Variants in POLR3B observed in about 807,000 individuals in gnomAD.
POLR3B encodes RNA polymerase III subunit B.
A neutral mutation model predicts 147.4 loss-of-function variants in POLR3B; 96 were observed. The observed-to-expected ratio is 0.65, with a 90% confidence interval of 0.55 to 0.77. The LOEUF is 0.77. POLR3B is among the 30% of genes least tolerant of loss of function. POLR3B has a pLI of 0.00. For synonymous variants in POLR3B, 461 were observed against 485.9 expected, an observed-to-expected ratio of 0.95 and a Z score of 0.67; for missense variants, 1,036 against 1,413.5, an observed-to-expected ratio of 0.73 and a Z score of 4.28.
chr12:106,363,865 C>T lies in POLR3B; in HGVS notation c.73-5C>T, dbSNP rs1306798593. On this transcript the variant is annotated splice_polypyrimidine_tract_variant and splice_region_variant and intron_variant, in intron 1 of 27. Transcript: ENST00000228347. ...TTCTGATATTCTTCTTGTTTTGGCTCACAGGAAAAATGGAGGCTGCTTCCA... is the reference window on the plus strand; with the variant it reads ...TTCTGATATTCTTCTTGTTTTGGCTTACAGGAAAAATGGAGGCTGCTTCCA... 4 of 1,605,636 alleles carry T rather than the reference C, an allele frequency of 2.5e-6. No individual in the cohort carries two copies. Among genetic ancestry groups the T allele is most frequent in the South Asian group, 1.1e-5 (1 of 90,568 alleles).
chr12:106,360,608 A>G (rs2036456716), intron 1 of POLR3B, among the ~76,000 whole-genome samples: 1 of 152,192 alleles, frequency 6.6e-6, no homozygotes, highest in African/African-American at 2.4e-5. Flanking sequence ...TCTAGTTAGG[A>G]GCTCAGTTTT....
At chr12:106,387,138 A>G (rs996683351) in intron 9 of POLR3B, among the ~76,000 whole-genome samples, 9 of 152,234 alleles carry the variant, frequency 5.9e-5, no homozygotes, top group African/African-American at 2.2e-4. Flanking sequence ...ACTTAAAAGT[A>G]TATCTACATT....
At chr12:106,407,616 G>T (rs1217597716) in intron 11 of POLR3B, among the ~76,000 whole-genome samples, 7 of 152,016 alleles carry the variant, frequency 4.6e-5, no homozygotes, top group Non-Finnish European at 8.8e-5. Context: ...GATCACCTGA[G>T]GTCAGGAGTT....
chr12:106,409,673 GT>G (rs60188511), intron 11 of POLR3B, among the ~76,000 whole-genome samples: 35,662 of 139,834 alleles, frequency 0.26, 4,476 homozygotes, highest in African/African-American at 0.31. Flanking sequence ...ATGCTTGCTT[GT>G]TTTTTTTTTT....
chr12:106,480,091 G>A (rs1007550666), intron 23 of POLR3B, among the ~76,000 whole-genome samples: 3 of 151,690 alleles, frequency 2.0e-5, no homozygotes, highest in Non-Finnish European at 2.9e-5. Context: ...AGGATCAAGT[G>A]ATCCACCTGC....
At chr12:106,398,454 A>G (rs2037013588) in intron 10 of POLR3B, among the ~76,000 whole-genome samples, 1 of 152,214 alleles carries the variant, frequency 6.6e-6, no homozygotes, top group African/African-American at 2.4e-5. Context: ...GCAGACTTAA[A>G]TGTCCCTCTC....
chr12:106,485,421 G>A (rs2038323896), intron 23 of POLR3B, among the ~76,000 whole-genome samples: 1 of 152,138 alleles, frequency 6.6e-6, no homozygotes, highest in African/African-American at 2.4e-5. Flanking sequence ...ACAACTTCTA[G>A]AGCTCACTGT....
chr12:106,446,427 A>AG, intron 19 of POLR3B: 1 of 344,876 alleles, frequency 2.9e-6, no homozygotes, highest in Middle Eastern at 1.1e-3. Flanking sequence ...CAAAAAAAAA[A>AG]AAAAAAAAGA....
intron 12 of POLR3B, among the ~76,000 whole-genome samples, chr12:106,420,441 G>A (rs1227784352): frequency 6.6e-6 from 1 of 152,158 alleles, no homozygotes; most frequent in African/African-American, 2.4e-5. Flanking sequence ...CAGCTTCCCA[G>A]TGTGGCTTGG....
chr12:106,407,146 C>T (rs928832774), intron 11 of POLR3B, among the ~76,000 whole-genome samples: 1 of 152,162 alleles, frequency 6.6e-6, no homozygotes, highest in African/African-American at 2.4e-5. Context: ...AGCTGGGTCT[C>T]AACTGAATTT....
rs575011517 is a variant in POLR3B, at chr12:106,436,513, C to G, written c.1782-544C>G. 2.0e-5 allele frequency among the ~76,000 whole-genome samples: 3 copies of G among 152,252 alleles called. No individual in the cohort carries two copies. In the East Asian group the frequency reaches 5.8e-4, roughly 29 times the overall value. The stretch of plus-strand genomic sequence containing the variant: ...CTTTAAGTATCTTGCTAACCTAGCT[C>G]AGTGATGTTTAGACTAAATCAAACT... On this transcript the variant is annotated intron_variant, in intron 16 of 27. Coordinates refer to ENST00000228347, the MANE Select transcript of POLR3B (RefSeq NM_018082.6).
At chr12:106,435,359 G>T (rs920217455) in intron 16 of POLR3B, among the ~76,000 whole-genome samples, 1 of 151,698 alleles carries the variant, frequency 6.6e-6, no homozygotes, top group Non-Finnish European at 1.5e-5. Context: ...TGGCCAGGCT[G>T]GTCTCGAACT....
intron 11 of POLR3B, among the ~76,000 whole-genome samples, chr12:106,407,184 C>T (rs930502299): frequency 2.0e-5 from 3 of 152,142 alleles, no homozygotes; most frequent in Admixed American, 6.6e-5. Context: ...TTGGAAGAGT[C>T]TGAAACTTAA....
At chr12:106,477,465 C>A (rs1161017241) in intron 23 of POLR3B, among the ~76,000 whole-genome samples, 1 of 142,238 alleles carries the variant, frequency 7.0e-6, no homozygotes, top group Non-Finnish European at 1.5e-5. Flanking sequence ...CCCCCAGCCT[C>A]GCTGCCGCCT....
intron 23 of POLR3B, among the ~76,000 whole-genome samples, chr12:106,490,110 C>T (rs775877615): frequency 2.4e-4 from 37 of 152,220 alleles, no homozygotes; most frequent in Admixed American, 7.9e-4. Context: ...TTCAGTAGCT[C>T]GCCAGTAACC....
Position 106,437,701 on chromosome 12 carries a change from A to G in POLR3B, c.1877A>G (p.His626Arg). The stretch of plus-strand genomic sequence containing the variant: ...CCCAGGAATTTTGAAGATTTCTTAC[A>G]TGAGAGTCTGGTTGAATATTTAGAT... ...QGYRNFEDFL[H>R]ESLVEYLDVN... The change falls in exon 18 of 28, where the codon CAT becomes CGT. Residue 626 changes from histidine to arginine, a missense_variant. Coordinates refer to ENST00000228347, the MANE Select transcript of POLR3B (RefSeq NM_018082.6). The G allele has an allele frequency of 6.3e-7, 1 of 1,598,130 alleles. No individual in the cohort carries two copies. Among genetic ancestry groups the G allele is most frequent in the East Asian group, 2.2e-5 (1 of 44,712 alleles).
intron 2 of POLR3B, 79 bp downstream of exon 2, chr12:106,363,981 A>G (rs2036499892): frequency 1.9e-6 from 2 of 1,071,870 alleles, no homozygotes; most frequent in Non-Finnish European, 2.8e-6. Flanking sequence ...TTAAAGATTA[A>G]ATTTTTGTCA....
At chr12:106,378,693 C>G (rs995254595) in intron 8 of POLR3B, among the ~76,000 whole-genome samples, 3 of 151,980 alleles carry the variant, frequency 2.0e-5, no homozygotes, top group Admixed American at 2.0e-4. Flanking sequence ...TTTCACACTC[C>G]TTTTCAGCCT....
intron 14 of POLR3B, among the ~76,000 whole-genome samples, chr12:106,431,168 A>G (rs1239625554): frequency 6.6e-6 from 1 of 152,216 alleles, no homozygotes. Context: ...AATTACAACA[A>G]GTAAAAGATG....
Sources: allele counts gnomAD v4.1 joint callset (sites outside exome capture counted in the v4.1 genomes callset), GRCh38; gene constraint gnomAD v4.1.1; transcripts MANE v1.5; gene names NCBI Gene and HGNC (gene_info 2026-07-23, HGNC 2026-07-21).